Variants in MDGA2 observed in about 807,000 individuals in gnomAD.
MDGA2 encodes MAM domain-containing glycosylphosphatidylinositol anchor protein 2.
A neutral mutation model predicts 117.8 loss-of-function variants in MDGA2; 40 were observed. That is an observed-to-expected ratio of 0.34 (90% CI 0.26 to 0.44). The LOEUF is 0.44. Ranked by LOEUF, MDGA2 falls within the 20% of genes least tolerant of loss-of-function variation. MDGA2 has a pLI of 1.00. For missense variants in MDGA2, 1,123 were observed against 1,250.6 expected (o/e 0.90, Z 1.54); for synonymous variants, 452 against 439.0 (o/e 1.03, Z -0.37).
intron 2 of MDGA2, among the ~76,000 whole-genome samples, chr14:47,297,209 G>T (rs1889102817): frequency 6.6e-6 from 1 of 151,970 alleles, no homozygotes; most frequent in Non-Finnish European, 1.5e-5. Context: ...TACATTTAAG[G>T]AAATGCAACG....
chr14:47,648,994 G>A (rs2138264661), intron 1 of MDGA2, among the ~76,000 whole-genome samples: 1 of 152,160 alleles, frequency 6.6e-6, no homozygotes, highest in East Asian at 1.9e-4. Flanking sequence ...GTTTATATAT[G>A]TATTCTGACC....
At position 47,675,078 on chromosome 14, in the gene MDGA2, G is replaced by A. The variant is rs2138328169; in HGVS notation, c.-282C>T. Reference sequence around the variant, plus strand: ...CGGTAGGAGCCTGGCTTGGACAGCCGAGGAGCAGGAAGTGGCCTCTGACCC... The same window carrying A: ...CGGTAGGAGCCTGGCTTGGACAGCCAAGGAGCAGGAAGTGGCCTCTGACCC... On this transcript the variant is annotated 5_prime_UTR_variant, in exon 1 of 17. Transcript: ENST00000399232. 6.2e-6 allele frequency: 1 copy of A among 162,060 alleles called. No individual in the cohort carries two copies. The highest frequency in any genetic ancestry group is 1.3e-5 in the Non-Finnish European group (1 of 74,690). The allele number at this position is 162,060 out of a possible 1,614,324, so 10.0% of individuals were successfully genotyped here. A position where few individuals can be genotyped will look rare whatever the true frequency, so the allele number is the denominator to read the frequency against.
chr14:47,257,095 A>C (rs889315882), intron 2 of MDGA2, among the ~76,000 whole-genome samples: 1 of 152,190 alleles, frequency 6.6e-6, no homozygotes, highest in African/African-American at 2.4e-5. Context: ...TAACAACACT[A>C]CTTTGTTGTG....
intron 1 of MDGA2, among the ~76,000 whole-genome samples, chr14:47,319,302 G>C (rs984549189): frequency 6.6e-6 from 1 of 152,084 alleles, no homozygotes; most frequent in African/African-American, 2.4e-5. Context: ...CTTCTCTTCT[G>C]TGAGTGTACA....
chr14:47,494,327 C>T (rs1594885740), intron 1 of MDGA2, among the ~76,000 whole-genome samples: 2 of 152,118 alleles, frequency 1.3e-5, no homozygotes, highest in East Asian at 3.9e-4. Flanking sequence ...CTTAATCTTC[C>T]TGAAACTCAT....
intron 1 of MDGA2, among the ~76,000 whole-genome samples, chr14:47,595,306 G>A (rs535356682): frequency 7.3e-5 from 11 of 151,652 alleles, no homozygotes; most frequent in East Asian, 1.9e-4. Context: ...AGGCCAAGGC[G>A]GGCAGATTAC....
At chr14:47,161,505 A>G (rs1172174902) in intron 3 of MDGA2, among the ~76,000 whole-genome samples, 1 of 151,816 alleles carries the variant, frequency 6.6e-6, no homozygotes. Context: ...ATGTAAGGTT[A>G]TATATATATT....
At chr14:47,541,352 G>A (rs912579902) in intron 1 of MDGA2, among the ~76,000 whole-genome samples, 5 of 152,170 alleles carry the variant, frequency 3.3e-5, no homozygotes, top group South Asian at 2.1e-4. Flanking sequence ...CAAGACAAAC[G>A]AAATATGTCC....
At chr14:47,624,890 T>C (rs1291635965) in intron 1 of MDGA2, among the ~76,000 whole-genome samples, 1 of 152,180 alleles carries the variant, frequency 6.6e-6, no homozygotes. Flanking sequence ...ATTTTGAATA[T>C]ATGATTTTAA....
intron 2 of MDGA2, among the ~76,000 whole-genome samples, chr14:47,234,467 T>A (rs776364148): frequency 5.9e-5 from 9 of 152,078 alleles, no homozygotes; most frequent in Non-Finnish European, 7.4e-5. Flanking sequence ...AAACCTAGGA[T>A]CTCAGTATTC....
At chr14:47,619,313 C>T (rs77430523) in intron 1 of MDGA2, among the ~76,000 whole-genome samples, 12,007 of 152,162 alleles carry the variant, frequency 0.079, 471 homozygotes, top group Middle Eastern at 0.099. Context: ...AAAAATTGTA[C>T]TCTTTATGGT....
At chr14:47,314,132 C>T (rs1889728621) in intron 1 of MDGA2, among the ~76,000 whole-genome samples, 1 of 152,098 alleles carries the variant, frequency 6.6e-6, no homozygotes, top group Non-Finnish European at 1.5e-5. Flanking sequence ...AACTGTGTCA[C>T]ACTGGGCAAA....
intron 8 of MDGA2, among the ~76,000 whole-genome samples, chr14:47,013,792 A>ATATATATC (rs1286303405): frequency 7.5e-6 from 1 of 134,054 alleles, no homozygotes; most frequent in Non-Finnish European, 1.6e-5. Flanking sequence ...ATATATATAT[A>ATATATATC]TCTCCTTTTT....
At chr14:47,529,712 C>A (rs1895053731) in intron 1 of MDGA2, among the ~76,000 whole-genome samples, 1 of 152,148 alleles carries the variant, frequency 6.6e-6, no homozygotes, top group Non-Finnish European at 1.5e-5. Flanking sequence ...TGAGAATGGT[C>A]AGCTAGAACT....
chr14:47,027,595 T>G (rs1045738179), intron 8 of MDGA2, among the ~76,000 whole-genome samples: 1 of 148,562 alleles, frequency 6.7e-6, no homozygotes, highest in Admixed American at 6.9e-5. Flanking sequence ...AGATAATGTA[T>G]AGTCAATTGC....
chr14:47,497,707 A>G (rs1894312474), intron 1 of MDGA2, among the ~76,000 whole-genome samples: 1 of 152,206 alleles, frequency 6.6e-6, no homozygotes, highest in Non-Finnish European at 1.5e-5. Context: ...ACATAAATAG[A>G]TTATGCTCTA....
intron 1 of MDGA2, among the ~76,000 whole-genome samples, chr14:47,367,584 T>C (rs1891257923): frequency 1.3e-5 from 2 of 152,236 alleles, no homozygotes; most frequent in Non-Finnish European, 2.9e-5. Flanking sequence ...AACTATAGAA[T>C]GATAGGCCAT....
chr14:47,179,083 G>T (rs1330470192), intron 3 of MDGA2, among the ~76,000 whole-genome samples: 2 of 152,026 alleles, frequency 1.3e-5, no homozygotes, highest in East Asian at 3.9e-4. Context: ...AATTTTAGTT[G>T]ACAACCTACT....
intron 1 of MDGA2, among the ~76,000 whole-genome samples, chr14:47,518,251 G>A (rs759846853): frequency 7.9e-5 from 12 of 152,278 alleles, no homozygotes; most frequent in Non-Finnish European, 1.5e-4. Context: ...GCGGGTGGTA[G>A]TGAGTTCACC....
Sources: allele counts gnomAD v4.1 joint callset (sites outside exome capture counted in the v4.1 genomes callset), GRCh38; gene constraint gnomAD v4.1.1; transcripts MANE v1.5; gene names NCBI Gene and HGNC (gene_info 2026-07-23, HGNC 2026-07-21).